The following CERS1 variants were observed in gnomAD, a reference collection of about 807,000 sequenced individuals.
CERS1 encodes ceramide synthase 1.
Under a neutral mutation model 35.7 loss-of-function variants are expected in CERS1, and 16 were observed. The ratio of observed to expected loss-of-function variants is 0.45; its 90% CI spans 0.30 to 0.68. The LOEUF (loss-of-function observed/expected upper bound fraction) is 0.68, where lower values mean the gene tolerates loss of function less well. Among genes scored for constraint, CERS1 ranks in the 30% least tolerant of loss-of-function variants. CERS1 has a pLI of 0.08. For synonymous variants in CERS1, 243 were observed against 201.6 expected (o/e 1.21, Z -1.74); for missense variants, 454 against 453.9 (o/e 1.00, Z 0.00).
chr19:18,883,103 G>A (rs959459019), intron 3 of CERS1: 14 of 152,170 alleles, frequency 9.2e-5, no homozygotes, highest in African/African-American at 3.4e-4. Flanking sequence ...GGGGACTACA[G>A]GCATGAGCTA....
In CERS1 at chr19:18,878,314, C is replaced by G; in HGVS notation, c.1010+616G>C. 1 of 986,004 alleles carries G rather than the reference C, an allele frequency of 1.0e-6. No individual in the cohort carries two copies. Among genetic ancestry groups the G allele is most frequent in the Non-Finnish European group, 1.2e-6 (1 of 830,526 alleles). The allele number at this position is 986,004 out of a possible 1,614,324, so 61.1% of individuals were successfully genotyped here. On this transcript the variant is annotated intron_variant, in intron 6 of 7. Transcript: ENST00000623882. The surrounding 1 kb of genome is among the most constrained non-coding windows in gnomAD (Gnocchi z 4.6). ...CCAGACACCCCCTGCCTGCCCCAGGCCTGGGGCTTCGGACACCATCTGGCT... is the reference window on the plus strand; with the variant it reads ...CCAGACACCCCCTGCCTGCCCCAGGGCTGGGGCTTCGGACACCATCTGGCT...
chr19:18,893,948 T>C (rs1185704800), intron 1 of CERS1, among the ~76,000 whole-genome samples: 9 of 130,938 alleles, frequency 6.9e-5, no homozygotes, highest in Admixed American at 4.6e-4. Flanking sequence ...GGGGGTTATA[T>C]GGGGGCATCT....
chr19:18,880,446 A>G lies in CERS1; in HGVS notation c.591-11T>C, dbSNP rs769670920. 6.3e-7 allele frequency: 1 copy of G among 1,575,084 alleles called. No individual in the cohort carries two copies. The highest frequency in any genetic ancestry group is 8.6e-7 in the Non-Finnish European group (1 of 1,157,616). Reference sequence around the variant, plus strand: ...CCCACATTGTGGTACCTGGGGGAGCAGCAGGCAGAGAGGAGAGGGCAGCTC... The same window carrying G: ...CCCACATTGTGGTACCTGGGGGAGCGGCAGGCAGAGAGGAGAGGGCAGCTC... On this transcript the variant is annotated splice_polypyrimidine_tract_variant and intron_variant, in intron 3 of 7. Transcript: ENST00000623882.
At chr19:18,871,093 CCT>C (rs1491587597) in intron 6 of CERS1, among the ~76,000 whole-genome samples, 2 of 151,626 alleles carry the variant, frequency 1.3e-5, no homozygotes, top group East Asian at 1.9e-4. Flanking sequence ...CTTTTATTTT[CCT>C]TTTTTTTTTT....
intron 3 of CERS1, chr19:18,883,304 G>A (rs1003774325): frequency 3.9e-5 from 6 of 152,136 alleles, no homozygotes; most frequent in African/African-American, 1.2e-4. Flanking sequence ...AAAAGAACAG[G>A]TAATATTAAT....
intron 6 of CERS1, among the ~76,000 whole-genome samples, chr19:18,876,081 T>C (rs1390853670): frequency 6.6e-6 from 1 of 152,086 alleles, no homozygotes; most frequent in African/African-American, 2.4e-5. Context: ...GCCTCCCGAG[T>C]TCAAGCGATT....
chr19:18,869,504 G>C (rs1219352666), intron 7 of CERS1, 114 bp from the exon 8 acceptor site: 23 of 1,392,440 alleles, frequency 1.7e-5, no homozygotes, highest in Non-Finnish European at 2.2e-5. Context: ...CACCGTCTGT[G>C]GGAAGGGTGT....
rs377159972 is a variant in CERS1, at chr19:18,879,015, C to A, written c.925G>T (p.Val309Leu). ...FLYIVAFAAK[V>L]LTGQVHELKD... ...AGCTCGTGCACCTGGCCTGTCAACA[C>A]CTTGGCTGCAAACGCCACGATGTAC... Residue 309 changes from valine (V) to leucine (L), a missense_variant, in exon 6 of 8, where the codon GTG becomes TTG. Coordinates refer to ENST00000623882, the MANE Select transcript of CERS1 (RefSeq NM_021267.5). The A allele has an allele frequency of 4.3e-6, 7 of 1,613,754 alleles. No homozygotes were observed. The highest frequency in any genetic ancestry group is 5.9e-6 in the Non-Finnish European group (7 of 1,179,846).
In CERS1 at chr19:18,895,913, G is replaced by A; in HGVS notation, c.160C>T (p.His54Tyr). The change falls in exon 1 of 8, where the codon CAC (histidine) becomes TAC (tyrosine). Residue 54 changes from histidine (H) to tyrosine (Y), a missense_variant. His to Tyr is a moderately conservative substitution (Grantham distance 83). Coordinates refer to ENST00000623882, the MANE Select transcript of CERS1 (RefSeq NM_021267.5). The surrounding 1 kb of genome is among the most constrained non-coding windows in gnomAD (Gnocchi z 6.4). ...LARRGLAEHAHLAPPELLLLA... is the reference protein window; with the variant it reads ...LARRGLAEHAYLAPPELLLLA... ...AGCAGCAGCTCGGGCGGCGCCAGGT[G>A]CGCGTGCTCAGCCAGGCCGCGACGC... is the stretch of plus-strand genomic sequence containing the variant. 6.4e-6 allele frequency: 8 copies of A among 1,246,372 alleles called. No individual in the cohort carries two copies. The highest frequency in any genetic ancestry group is 8.1e-6 in the Non-Finnish European group (8 of 993,558). The allele number at this position is 1,246,372 out of a possible 1,614,324, so 77.2% of individuals were successfully genotyped here. A position where few individuals can be genotyped will look rare whatever the true frequency, so the allele number is the denominator to read the frequency against.
chr19:18,878,128 G>T lies in CERS1; in HGVS notation c.1010+802C>A. ...AACCATCGTTCCCACGTCACCGATG[G>T]CCCCCACCGGCCAAATCAGAGGGCC... is the stretch of plus-strand genomic sequence containing the variant. On this transcript the variant is annotated intron_variant, in intron 6 of 7. Coordinates refer to ENST00000623882, the MANE Select transcript of CERS1 (RefSeq NM_021267.5). The surrounding 1 kb of genome is among the most constrained non-coding windows in gnomAD (Gnocchi z 4.6). 1 of 985,414 alleles carries T rather than the reference G, an allele frequency of 1.0e-6. No homozygotes were observed. The highest frequency in any genetic ancestry group is 4.7e-5 in the South Asian group (1 of 21,276). 61.0% of individuals were successfully genotyped at this position (985,414 alleles called of 1,614,324 possible). A position where few individuals can be genotyped will look rare whatever the true frequency, so the allele number is the denominator to read the frequency against.
rs2055912672 is a variant in CERS1, at chr19:18,869,173, C to T, written c.*812G>A. 8.7e-7 allele frequency: 1 copy of T among 1,153,654 alleles called. No homozygotes were observed. The highest frequency in any genetic ancestry group is 3.3e-5 in the South Asian group (1 of 30,710). 71.5% of individuals were successfully genotyped at this position (1,153,654 alleles called of 1,614,324 possible). A position where few individuals can be genotyped will look rare whatever the true frequency, so the allele number is the denominator to read the frequency against. ...GGGCGGGCACCAACTGGCGGAGCAG[C>T]ACCGGCCCGGGGTCCGCGCCCGCGC... On this transcript the variant is annotated 3_prime_UTR_variant, in exon 8 of 8. Transcript: ENST00000623882.
At chr19:18,894,159 A>G (rs955068361) in intron 1 of CERS1, among the ~76,000 whole-genome samples, 1 of 151,440 alleles carries the variant, frequency 6.6e-6, no homozygotes, top group Non-Finnish European at 1.5e-5. Flanking sequence ...AGGAGGCGGA[A>G]AAGGTGTCAC....
At chr19:18,885,678 C>G (rs930852444) in intron 2 of CERS1, among the ~76,000 whole-genome samples, 4 of 151,448 alleles carry the variant, frequency 2.6e-5, no homozygotes, top group Non-Finnish European at 5.9e-5. Flanking sequence ...CACCACCATG[C>G]CTGGCTAATT....
In CERS1 at chr19:18,878,076, C is replaced by T. The variant is rs771335059; in HGVS notation, c.1010+854G>A. On this transcript the variant is annotated intron_variant, in intron 6 of 7. Transcript: ENST00000623882. This position sits in a 1 kb window ranked among gnomAD's most constrained non-coding sequence, Gnocchi z 4.6. ...GCACCTCCCGTTCCAAAAAACGTCA[C>T]GGAGCTCTGAGCCACTGCTTCCCTG... 47 of 985,406 alleles carry T rather than the reference C, an allele frequency of 4.8e-5. No individual in the cohort carries two copies. The African/African-American group carries it at 7.0e-4, about 15-fold the overall frequency. 61.0% of individuals were successfully genotyped at this position (985,406 alleles called of 1,614,324 possible).
At position 18,879,434 on chromosome 19, in the gene CERS1, C is replaced by G. The variant is rs771988771; in HGVS notation, c.753-46G>C. 5 of 1,543,988 alleles carry G rather than the reference C, an allele frequency of 3.2e-6. No individual in the cohort carries two copies. In the South Asian group the frequency reaches 6.0e-5, roughly 19 times the overall value. ...AGGCCGTGGGTGGAGGGGGACGGTG[C>G]CCTACCCAGTCCCTGTCCTATCCCG... On this transcript the variant is annotated intron_variant, in intron 4 of 7. Transcript: ENST00000623882.
chr19:18,874,765 G>A (rs912001738), intron 6 of CERS1, among the ~76,000 whole-genome samples: 13 of 152,342 alleles, frequency 8.5e-5, no homozygotes, highest in South Asian at 2.1e-4. Flanking sequence ...GGGAATTCAG[G>A]GGAAGGGGTA....
intron 6 of CERS1, among the ~76,000 whole-genome samples, chr19:18,871,145 C>T (rs1323692924): frequency 3.3e-5 from 5 of 151,766 alleles, no homozygotes; most frequent in African/African-American, 1.2e-4. Flanking sequence ...TGTGGCACAA[C>T]CTCCAAGGCT....
chr19:18,877,557 G>C (rs1390205884), intron 6 of CERS1, among the ~76,000 whole-genome samples: 6 of 152,196 alleles, frequency 3.9e-5, no homozygotes. Flanking sequence ...TTTGAGACCA[G>C]CCTGAGCAAC....
rs560072286 is a variant in CERS1 at position 18,893,456 on chromosome 19, G to A, written c.369C>T (p.Thr123=). The change falls in exon 2 of 8, where the codon ACC becomes ACT. Residue 123 remains threonine, a synonymous_variant. Coordinates refer to ENST00000623882, the MANE Select transcript of CERS1 (RefSeq NM_021267.5). The part of the protein sequence containing the change: ...WSYSAYLLFG[T]DYPFFHDPPS... ...GTGGGTCATGGAAGAAGGGGTAGTC[G>A]GTGCCAAACAGCAGGTAGGCACTGT... 67 of 1,606,354 alleles carry A rather than the reference G, an allele frequency of 4.2e-5. No homozygotes were observed. The highest frequency in any genetic ancestry group is 4.7e-5 in the Non-Finnish European group (55 of 1,176,680).
Sources: allele counts gnomAD v4.1 joint callset (sites outside exome capture counted in the v4.1 genomes callset), GRCh38; gene constraint gnomAD v4.1.1; non-coding constraint Gnocchi (gnomAD v3.1); transcripts MANE v1.5; gene names NCBI Gene and HGNC (gene_info 2026-07-23, HGNC 2026-07-21).